CACNA1E: variants seen among roughly 807,000 people sequenced by gnomAD.
The protein encoded by CACNA1E is voltage-dependent R-type calcium channel subunit alpha-1E.
In CACNA1E, 40 loss-of-function variants were observed where a neutral mutation model predicts 259.2. The observed-to-expected ratio is 0.15, with a 90% confidence interval of 0.12 to 0.20. The LOEUF (loss-of-function observed/expected upper bound fraction) is 0.20, where lower values mean the gene tolerates loss of function less well. Ranked by LOEUF, CACNA1E falls within the 10% of genes least tolerant of loss-of-function variation. The pLI, the probability that CACNA1E is intolerant of heterozygous loss-of-function variation, is 1.00. For missense variants in CACNA1E, 1,874 were observed against 3,040.1 expected (o/e 0.62, Z 9.02); for synonymous variants, 1,104 against 1,138.5 (o/e 0.97, Z 0.61).
intron 1 of CACNA1E, among the ~76,000 whole-genome samples, chr1:181,408,236 G>C (rs762310292): frequency 6.6e-6 from 1 of 152,184 alleles, no homozygotes; most frequent in Non-Finnish European, 1.5e-5. Flanking sequence ...ACATGTTCTG[G>C]AGGAATCAGA....
At chr1:181,718,637 C>T (rs1268501798) in intron 12 of CACNA1E, among the ~76,000 whole-genome samples, 1 of 151,204 alleles carries the variant, frequency 6.6e-6, no homozygotes, top group African/African-American at 2.4e-5. Flanking sequence ...CACACACACA[C>T]ACACACACAC....
At chr1:181,366,440 G>A (rs538336486) in intron 1 of CACNA1E, among the ~76,000 whole-genome samples, 1 of 152,292 alleles carries the variant, frequency 6.6e-6, no homozygotes, top group African/African-American at 2.4e-5. Context: ...TTGACCTGAG[G>A]CACTTTGAGG....
intron 1 of CACNA1E, among the ~76,000 whole-genome samples, chr1:181,341,319 T>A (rs1652131135): frequency 6.6e-6 from 1 of 152,182 alleles, no homozygotes; most frequent in South Asian, 2.1e-4. Flanking sequence ...TCTCTGGATG[T>A]TTACTGCAGC....
chr1:181,713,170 G>A (rs927896703), intron 8 of CACNA1E, among the ~76,000 whole-genome samples: 4 of 152,172 alleles, frequency 2.6e-5, no homozygotes, highest in African/African-American at 9.7e-5. Flanking sequence ...GAGCCCTTGA[G>A]TGCTTCCCAG....
At chr1:181,413,333 G>A (rs1191323749) in exon 2 of CACNA1E, 1 of 152,508 alleles carries the variant, frequency 6.6e-6, no homozygotes, top group Non-Finnish European at 1.5e-5. Flanking sequence ...CTCGGACGAG[G>A]TGGGCATGCT....
chr1:181,658,003 G>A (rs1259292425), intron 7 of CACNA1E, among the ~76,000 whole-genome samples: 2 of 152,106 alleles, frequency 1.3e-5, no homozygotes, highest in East Asian at 3.8e-4. Flanking sequence ...CTCTCCTCTT[G>A]TATTTCTACT....
intron 1 of CACNA1E, among the ~76,000 whole-genome samples, chr1:181,344,296 C>T (rs775137114): frequency 3.3e-5 from 5 of 152,208 alleles, no homozygotes; most frequent in Non-Finnish European, 7.3e-5. Context: ...GTACATCAAA[C>T]GTACTTCCGT....
At chr1:181,489,061 C>T (rs1664086724) in intron 1 of CACNA1E, among the ~76,000 whole-genome samples, 1 of 152,190 alleles carries the variant, frequency 6.6e-6, no homozygotes, top group Non-Finnish European at 1.5e-5. Flanking sequence ...GGTCAGCCAC[C>T]TCCCTTACGT....
rs1030921789 is a variant in CACNA1E at position 181,465,588 on chromosome 1, C to G, written c.435-18156C>G. Among the ~76,000 whole-genome samples the G allele has an allele frequency of 2.6e-5, 4 of 152,160 alleles. No homozygotes were observed. The East Asian group carries it at 5.8e-4, about 22-fold the overall frequency. Reference sequence around the variant, plus strand: ...GTGTTTTCCTGTTTACTGACACTCTCCTTAGTTATATATAATCTAATAGTT... The same window carrying G: ...GTGTTTTCCTGTTTACTGACACTCTGCTTAGTTATATATAATCTAATAGTT... On this transcript the variant is annotated intron_variant, in intron 2 of 11. Coordinates refer to the CACNA1E transcript ENST00000524607.
chr1:181,614,412 A>G (rs1028185179), intron 6 of CACNA1E, among the ~76,000 whole-genome samples: 5 of 152,326 alleles, frequency 3.3e-5, no homozygotes, highest in African/African-American at 1.2e-4. Flanking sequence ...ATGTTATTCA[A>G]GGTTTACAGT....
intron 1 of CACNA1E, among the ~76,000 whole-genome samples, chr1:181,340,203 T>C (rs1396341645): frequency 6.6e-6 from 1 of 152,088 alleles, no homozygotes; most frequent in African/African-American, 2.4e-5. Flanking sequence ...CAATACTATT[T>C]ATTGAATTAT....
At chr1:181,550,679 GC>G (rs1648035362) in intron 3 of CACNA1E, among the ~76,000 whole-genome samples, 1 of 152,094 alleles carries the variant, frequency 6.6e-6, no homozygotes, top group Non-Finnish European at 1.5e-5. Flanking sequence ...TGTTTGAGAA[GC>G]CCTGACCTTT....
chr1:181,712,792 G>A lies in CACNA1E; in HGVS notation c.1171+1723G>A, dbSNP rs375284551. 3.9e-5 allele frequency among the ~76,000 whole-genome samples: 6 copies of A among 152,180 alleles called. No individual in the cohort carries two copies. The East Asian group carries it at 5.8e-4, about 15-fold the overall frequency. ...CCCAGCTGTCCTTGGCTTTCTCGGC[G>A]GAGGAGCCATCTGACAGACCACTAA... On this transcript the variant is annotated intron_variant, in intron 8 of 47. Transcript: ENST00000367573.
chr1:181,325,834 C>T (rs1438660633), intron 1 of CACNA1E, among the ~76,000 whole-genome samples: 3 of 152,096 alleles, frequency 2.0e-5, no homozygotes, highest in Non-Finnish European at 2.9e-5. Flanking sequence ...TATTTCCTCT[C>T]GGAACTCCTC....
intron 1 of CACNA1E, among the ~76,000 whole-genome samples, chr1:181,500,547 CAG>C (rs1665155905): frequency 6.6e-6 from 1 of 152,234 alleles, no homozygotes; most frequent in Non-Finnish European, 1.5e-5. Flanking sequence ...ACTTGTGGAA[CAG>C]TGGAAGTTCT....
At chr1:181,617,506 T>G (rs993370391) in intron 6 of CACNA1E, among the ~76,000 whole-genome samples, 4 of 152,176 alleles carry the variant, frequency 2.6e-5, no homozygotes, top group Non-Finnish European at 5.9e-5. Flanking sequence ...CCTTGAGGAC[T>G]TTTGTTCTCT....
At chr1:181,595,103 T>C (rs904341707) in intron 6 of CACNA1E, among the ~76,000 whole-genome samples, 2 of 152,206 alleles carry the variant, frequency 1.3e-5, no homozygotes, top group Non-Finnish European at 2.9e-5. Flanking sequence ...CATCCTGATA[T>C]CATGACCTTT....
chr1:181,771,776 G>A (rs1659540605), intron 36 of CACNA1E: 1 of 479,238 alleles, frequency 2.1e-6, no homozygotes, highest in Admixed American at 3.5e-5. Context: ...TCCACTTAAG[G>A]GCTGAAACCT....
chr1:181,566,086 A>G (rs1270363335), intron 3 of CACNA1E, among the ~76,000 whole-genome samples: 1 of 152,260 alleles, frequency 6.6e-6, no homozygotes, highest in African/African-American at 2.4e-5. Context: ...ATAGGATACC[A>G]TAAAGCTCTG....
Sources: gnomAD v4.1 joint callset for allele counts (sites outside exome capture counted in the v4.1 genomes callset) on GRCh38, gnomAD v4.1.1 for gene constraint, MANE v1.5 for transcripts, NCBI Gene and HGNC (gene_info 2026-07-23, HGNC 2026-07-21) for gene names.